The following UNC13D variants were observed in gnomAD, a reference collection of about 807,000 sequenced individuals.
UNC13D encodes the protein protein unc-13 homolog D.
In UNC13D, 115 loss-of-function variants were observed where a neutral mutation model predicts 151.7. The observed-to-expected ratio is 0.76, with a 90% confidence interval of 0.65 to 0.88. The LOEUF (loss-of-function observed/expected upper bound fraction) is 0.88, where lower values mean the gene tolerates loss of function less well. UNC13D is among the 40% of genes least tolerant of loss of function. The pLI, the probability that UNC13D is intolerant of heterozygous loss-of-function variation, is 0.00. For synonymous variants in UNC13D, 588 were observed against 612.2 expected (o/e 0.96, Z 0.58); for missense variants, 1,369 against 1,438.7 (o/e 0.95, Z 0.78).
intron 12 of UNC13D, among the ~76,000 whole-genome samples, chr17:75,839,406 CAAAA>C (rs34913290): frequency 3.6e-5 from 4 of 110,706 alleles, no homozygotes; most frequent in Non-Finnish European, 2.1e-5. Flanking sequence ...AACTCCGTTT[CAAAA>C]AAAAAAAAAA....
At chr17:75,836,149 C>T (rs552218351) in intron 16 of UNC13D, 40 bp from the exon 17 acceptor site, 3 of 1,612,064 alleles carry the variant, frequency 1.9e-6, no homozygotes, top group African/African-American at 2.7e-5. Context: ...CTGCCAGAGG[C>T]AGGCACCACC....
rs1237199801 is a variant in UNC13D at position 75,840,336 on chromosome 17, G to A, written c.754-7C>T. 6.2e-7 allele frequency: 1 copy of A among 1,613,292 alleles called. No individual in the cohort carries two copies. Among genetic ancestry groups the A allele is most frequent in the Non-Finnish European group, 8.5e-7 (1 of 1,179,880 alleles). On this transcript the variant is annotated splice_polypyrimidine_tract_variant and splice_region_variant and intron_variant, in intron 9 of 31. Transcript: ENST00000207549. The surrounding 1 kb of genome is among the most constrained non-coding windows in gnomAD (Gnocchi z 4.6). ...CCTCTCGGCAGCGCAGGTCCTGACA[G>A]GCGGGGATGCCCAGCCCGTGAGCGT...
At chr17:75,829,927 C>T (rs1401526894) in intron 30 of UNC13D, 101 bp downstream of exon 30, 2 of 1,539,086 alleles carry the variant, frequency 1.3e-6, no homozygotes, top group East Asian at 4.9e-5. Flanking sequence ...ATGTGGCCAT[C>T]TCAGGGGAGC....
chr17:75,829,974 G>C, intron 30 of UNC13D, 54 bp downstream of exon 30: 1 of 1,557,884 alleles, frequency 6.4e-7, no homozygotes, highest in Non-Finnish European at 8.7e-7. Context: ...GCCTGAGGGA[G>C]CCCAGTGGGG....
At chr17:75,836,538 G>C in intron 14 of UNC13D, 34 bp downstream of exon 14, 4 of 1,613,102 alleles carry the variant, frequency 2.5e-6, no homozygotes, top group Non-Finnish European at 3.4e-6. Flanking sequence ...CCTCATCCCT[G>C]ACCCCACCGA....
chr17:75,833,313 C>T lies in UNC13D; in HGVS notation c.2368-268G>A. 2.9e-6 allele frequency: 1 copy of T among 341,280 alleles called. No individual in the cohort carries two copies. The highest frequency in any genetic ancestry group is 5.6e-6 in the Non-Finnish European group (1 of 178,222). The allele number at this position is 341,280 out of a possible 1,614,324, so 21.1% of individuals were successfully genotyped here. On this transcript the variant is annotated intron_variant, in intron 24 of 31. Coordinates refer to ENST00000207549, the MANE Select transcript of UNC13D (RefSeq NM_199242.3). The surrounding 1 kb of genome is among the most constrained non-coding windows in gnomAD (Gnocchi z 4.0). Reference sequence around the variant, plus strand: ...TCTCTGCCCTTGCCGTTCCCTCTGCCTGGAATGCTCCTCCCCTAGAACTTC... The same window carrying T: ...TCTCTGCCCTTGCCGTTCCCTCTGCTTGGAATGCTCCTCCCCTAGAACTTC...
At chr17:75,842,658 G>A in intron 5 of UNC13D, 45 bp from the exon 6 acceptor site, 1 of 1,608,410 alleles carries the variant, frequency 6.2e-7, no homozygotes, top group Non-Finnish European at 8.5e-7. Context: ...AGTCGGCTGG[G>A]TCCCTGGGAG....
chr17:75,830,273 C>T (rs1226401111), intron 29 of UNC13D, 89 bp downstream of exon 29: 1 of 1,560,422 alleles, frequency 6.4e-7, no homozygotes, highest in Non-Finnish European at 8.7e-7. Context: ...ACCCAGAGCT[C>T]CTGCAGGGTG....
chr17:75,827,989 C>G lies in UNC13D; in HGVS notation c.3249G>C (p.Gln1083His). ...GCTACGGTGCCGGCCGCAAGGCATG[C>G]TGGGAGGCCTGCTTGGCCCGGTGCC... Reference protein sequence around the residue: ...LRRHRAKQASQHALRPAP With the variant: ...LRRHRAKQASHHALRPAP The change falls in exon 32 of 32, where the codon CAG becomes CAC. Residue 1083 changes from glutamine to histidine, a missense_variant. Transcript: ENST00000207549. 1 of 1,603,574 alleles carries G rather than the reference C, an allele frequency of 6.2e-7. No homozygotes were observed.
chr17:75,834,201 G>C, intron 23 of UNC13D, 58 bp from the exon 24 acceptor site: 1 of 1,605,828 alleles, frequency 6.2e-7, no homozygotes, highest in East Asian at 2.2e-5. Context: ...GGATGGAAGA[G>C]TTCCTTAGGG....
intron 12 of UNC13D, among the ~76,000 whole-genome samples, chr17:75,837,628 C>A (rs1379334007): frequency 6.6e-6 from 1 of 151,416 alleles, no homozygotes; most frequent in Non-Finnish European, 1.5e-5. Context: ...ATGGCAGGCA[C>A]CTGTAGTCCC....
rs370052713 is a variant in UNC13D at position 75,831,237 on chromosome 17, T to A, written c.2553+6A>T. 9.3e-6 allele frequency: 15 copies of A among 1,613,996 alleles called. No individual in the cohort carries two copies. Among genetic ancestry groups the A allele is most frequent in the African/African-American group, 1.3e-5 (1 of 74,926 alleles). ...GGGTTATCATTGCTGTGACCGGTTCTGTTACCTGCAGGGCAATCTTCAGCC... is the reference window on the plus strand; with the variant it reads ...GGGTTATCATTGCTGTGACCGGTTCAGTTACCTGCAGGGCAATCTTCAGCC... On this transcript the variant is annotated splice_donor_region_variant and intron_variant, in intron 26 of 31. Coordinates refer to ENST00000207549, the MANE Select transcript of UNC13D (RefSeq NM_199242.3).
chr17:75,830,428 C>T lies in UNC13D; in HGVS notation c.2764G>A (p.Ala922Thr), dbSNP rs763375427. The T allele has an allele frequency of 1.6e-4, 246 of 1,585,522 alleles. No individual in the cohort carries two copies. The highest frequency in any genetic ancestry group is 2.0e-4 in the Non-Finnish European group (229 of 1,167,274). The change falls in exon 29 of 32, where the codon GCC becomes ACC. Residue 922 changes from alanine to threonine, a missense_variant. Coordinates refer to ENST00000207549, the MANE Select transcript of UNC13D (RefSeq NM_199242.3). ...TCCACACGCAGCTTCTGCTCAGAGGCGCGGTAGGAGGCCTTGACTGTCACA... is the reference window on the plus strand; with the variant it reads ...TCCACACGCAGCTTCTGCTCAGAGGTGCGGTAGGAGGCCTTGACTGTCACA... ...GAVTVKASYR[A>T]SEQKLRVELL...
chr17:75,840,225 C>G lies in UNC13D; in HGVS notation c.858G>C (p.Arg286=). The G allele has an allele frequency of 6.2e-7, 1 of 1,613,944 alleles. No individual in the cohort carries two copies. Among genetic ancestry groups the G allele is most frequent in the Non-Finnish European group, 8.5e-7 (1 of 1,180,014 alleles). The part of the protein sequence containing the change: ...CHLQFQLIHK[R]RATSASRSQP... ...GCCACTGGCCCAGTACCCGACCTAC[C>G]CGCTTATGGATGAGTTGGAACTGGA... The change falls in exon 10 of 32, where the codon CGG becomes CGC. Residue 286 remains arginine, a splice_region_variant and synonymous_variant. Coordinates refer to ENST00000207549, the MANE Select transcript of UNC13D (RefSeq NM_199242.3). This position sits in a 1 kb window ranked among gnomAD's most constrained non-coding sequence, Gnocchi z 4.6.
Position 75,827,985 on chromosome 17 carries a change from C to G in UNC13D, c.3253G>C (p.Ala1085Pro). 6.2e-7 allele frequency: 1 copy of G among 1,605,062 alleles called. No homozygotes were observed. Among genetic ancestry groups the G allele is most frequent in the Non-Finnish European group, 8.5e-7 (1 of 1,176,978 alleles). The change falls in exon 32 of 32, where the codon GCC becomes CCC. Residue 1085 changes from alanine to proline, a missense_variant. By Grantham distance (27) the Ala-to-Pro change is conservative (BLOSUM62 -1). Around this residue, in one of 3 missense-constraint regions of UNC13D, gnomAD observed 807 missense variants for 795.5 expected, o/e 1.01. Coordinates refer to ENST00000207549, the MANE Select transcript of UNC13D (RefSeq NM_199242.3). Reference protein sequence around the residue: ...RHRAKQASQHALRPAP With the variant: ...RHRAKQASQHPLRPAP ...TACGGCTACGGTGCCGGCCGCAAGG[C>G]ATGCTGGGAGGCCTGCTTGGCCCGG... is the stretch of plus-strand genomic sequence containing the variant.
chr17:75,843,287 T>C (rs770087764), intron 2 of UNC13D, 21 bp from the exon 3 acceptor site: 3 of 1,602,400 alleles, frequency 1.9e-6, no homozygotes, highest in Admixed American at 1.7e-5. Flanking sequence ...CGGGGTCACC[T>C]TGGGGACCCC....
Position 75,831,134 on chromosome 17 carries a change from G to T in UNC13D, c.2589C>A (p.Gly863=). ...CAGTGTGCAGGGCCTTGGGTGGCAG[G>T]CCACAGCCCTCAGCGTGGAAGCAGA... ...LEICFHAEGC[G]LPPKALHTAT... is the part of the protein sequence containing the mutation. Residue 863 remains glycine, a synonymous_variant, in exon 27 of 32, where the codon GGC becomes GGA. Transcript: ENST00000207549. The T allele has an allele frequency of 6.2e-7, 1 of 1,614,010 alleles. No homozygotes were observed. Among genetic ancestry groups the T allele is most frequent in the Non-Finnish European group, 8.5e-7 (1 of 1,180,042 alleles).
At chr17:75,834,807 G>A (rs553607728) in intron 21 of UNC13D, 91 bp from the exon 22 acceptor site, 16 of 1,607,940 alleles carry the variant, frequency 1.0e-5, no homozygotes, top group East Asian at 2.2e-5. Flanking sequence ...GCGACTTGGG[G>A]GATTTAGAAT....
intron 6 of UNC13D, 96 bp downstream of exon 6, chr17:75,842,337 C>CG: frequency 6.6e-7 from 1 of 1,511,106 alleles, no homozygotes; most frequent in Non-Finnish European, 8.9e-7. Context: ...ACCCCCTCCC[C>CG]TGAGCCAGGA....
Sources: gnomAD v4.1 joint callset for allele counts (sites outside exome capture counted in the v4.1 genomes callset) on GRCh38, gnomAD v4.1.1 for gene constraint, gnomAD v4.1.1 regional missense constraint, Gnocchi (gnomAD v3.1) non-coding constraint, MANE v1.5 for transcripts, NCBI Gene and HGNC (gene_info 2026-07-23, HGNC 2026-07-21) for gene names.